CTNNA2: variants seen among roughly 807,000 people sequenced by gnomAD.
The protein encoded by CTNNA2 is catenin alpha-2.
In CTNNA2, 42 loss-of-function variants were observed where a neutral mutation model predicts 101.0. The observed-to-expected ratio is 0.42, with a 90% CI of 0.32 to 0.54. CTNNA2 has a LOEUF of 0.54. Among genes scored for constraint, CTNNA2 ranks in the 20% least tolerant of loss-of-function variants. The probability of loss-of-function intolerance (pLI) is 0.14; values close to 1 mark genes in which losing one functional copy is unlikely to be tolerated. For synonymous variants in CTNNA2, 450 were observed against 456.4 expected, an observed-to-expected ratio of 0.99 and a Z score of 0.18; for missense variants, 871 against 1,223.1, an observed-to-expected ratio of 0.71 and a Z score of 4.29.
intron 2 of CTNNA2, among the ~76,000 whole-genome samples, chr2:79,735,318 T>A (rs1670797646): frequency 6.6e-6 from 1 of 152,294 alleles, no homozygotes; most frequent in Middle Eastern, 3.4e-3. Context: ...AAAAGGCTGC[T>A]GTACTTTGTC....
At chr2:79,606,310 C>T (rs1384104825) in intron 1 of CTNNA2, among the ~76,000 whole-genome samples, 1 of 152,176 alleles carries the variant, frequency 6.6e-6, no homozygotes, top group East Asian at 1.9e-4. Flanking sequence ...CTCTGGCACC[C>T]AGGCTGGAGT....
At chr2:80,579,983 T>C (rs1168822645) in intron 13 of CTNNA2, among the ~76,000 whole-genome samples, 3 of 152,246 alleles carry the variant, frequency 2.0e-5, no homozygotes, top group African/African-American at 7.2e-5. Context: ...AGAGGCAGTC[T>C]GTGGAAGACC....
At chr2:79,984,635 T>G (rs925820911) in intron 7 of CTNNA2, among the ~76,000 whole-genome samples, 1 of 152,150 alleles carries the variant, frequency 6.6e-6, no homozygotes, top group African/African-American at 2.4e-5. Context: ...CCAAGTGAAG[T>G]GTGGCTATGA....
intron 8 of CTNNA2, among the ~76,000 whole-genome samples, chr2:80,395,027 A>G (rs957863102): frequency 6.6e-6 from 1 of 152,182 alleles, no homozygotes; most frequent in Non-Finnish European, 1.5e-5. Context: ...TCATGGACCA[A>G]TCATGGCAGG....
Position 79,221,255 on chromosome 2 carries a change from G to C in CTNNA2, c.-406+23179G>C, listed in dbSNP as rs189744823. 4.9e-3 allele frequency among the ~76,000 whole-genome samples: 745 copies of C among 152,214 alleles called. 2 individuals are homozygous for C. Among genetic ancestry groups the C allele is most frequent in the Non-Finnish European group, 7.2e-3 (490 of 68,018 alleles). On this transcript the variant is annotated intron_variant, in intron 2 of 21. Transcript: ENST00000466387. ...CAGCCTCAAGCTCCTGGGCTCTGGC[G>C]ATCTTCCTGCCTCAGCCAAGTAGCT...
At chr2:79,906,040 A>G (rs1685401905) in intron 6 of CTNNA2, among the ~76,000 whole-genome samples, 1 of 151,966 alleles carries the variant, frequency 6.6e-6, no homozygotes, top group South Asian at 2.1e-4. Context: ...AACCTGGCCA[A>G]TTCTCTAAAA....
chr2:79,706,092 C>T (rs1010330816), intron 2 of CTNNA2, among the ~76,000 whole-genome samples: 1 of 151,862 alleles, frequency 6.6e-6, no homozygotes, highest in Non-Finnish European at 1.5e-5. Flanking sequence ...GGGCCAGGTG[C>T]GGTGGCTTAT....
At chr2:79,663,203 C>G (rs1682162351) in intron 2 of CTNNA2, among the ~76,000 whole-genome samples, 1 of 152,144 alleles carries the variant, frequency 6.6e-6, no homozygotes, top group South Asian at 2.1e-4. Flanking sequence ...CACAAGTCCT[C>G]TCTCATCATG....
chr2:80,334,533 A>T (rs911115659), intron 7 of CTNNA2, among the ~76,000 whole-genome samples: 2 of 152,230 alleles, frequency 1.3e-5, no homozygotes, highest in African/African-American at 4.8e-5. Context: ...GCAACAGGCT[A>T]TAATCAGGAC....
intron 7 of CTNNA2, among the ~76,000 whole-genome samples, chr2:80,090,094 A>G (rs1019276279): frequency 9.2e-5 from 14 of 151,922 alleles, no homozygotes; most frequent in Admixed American, 6.6e-4. Context: ...TAAAGTATAG[A>G]GATGGTGGTG....
At chr2:79,562,372 G>A (rs1674834897) in intron 1 of CTNNA2, among the ~76,000 whole-genome samples, 1 of 151,876 alleles carries the variant, frequency 6.6e-6, no homozygotes, top group African/African-American at 2.4e-5. Context: ...AACATTTATG[G>A]TTGCCATTTT....
intron 2 of CTNNA2, among the ~76,000 whole-genome samples, chr2:79,734,908 C>G (rs1411146393): frequency 1.3e-5 from 2 of 152,046 alleles, no homozygotes; most frequent in African/African-American, 4.8e-5. Flanking sequence ...CATCAATAAC[C>G]TTAGAGAATA....
chr2:80,458,248 A>T (rs554216416), intron 9 of CTNNA2, among the ~76,000 whole-genome samples: 1 of 152,298 alleles, frequency 6.6e-6, no homozygotes, highest in East Asian at 1.9e-4. Flanking sequence ...GGGACTATAT[A>T]AAAAACTTGG....
intron 1 of CTNNA2, among the ~76,000 whole-genome samples, chr2:79,537,395 T>G (rs1221107373): frequency 6.6e-6 from 1 of 152,206 alleles, no homozygotes; most frequent in African/African-American, 2.4e-5. Context: ...CCCTTTCCCG[T>G]GCTCTTGCAT....
intron 7 of CTNNA2, among the ~76,000 whole-genome samples, chr2:80,305,830 A>C (rs1676883856): frequency 1.3e-5 from 2 of 152,134 alleles, no homozygotes; most frequent in African/African-American, 2.4e-5. Flanking sequence ...GAGTGTGGGC[A>C]AGCCTTCCTT....
chr2:80,051,020 C>G (rs1219553457), intron 7 of CTNNA2, among the ~76,000 whole-genome samples: 4 of 152,174 alleles, frequency 2.6e-5, no homozygotes, highest in East Asian at 1.9e-4. Flanking sequence ...GCCATGACAC[C>G]TAGCCGAGAC....
At chr2:80,397,516 T>C (rs923115963) in intron 8 of CTNNA2, among the ~76,000 whole-genome samples, 6 of 152,174 alleles carry the variant, frequency 3.9e-5, no homozygotes, top group African/African-American at 1.4e-4. Flanking sequence ...TCCCGTGCCA[T>C]TCTTGTGATA....
chr2:80,302,108 A>T lies in CTNNA2; in HGVS notation c.1057-91103A>T. ...AAGACACAATAAAGCTAAAATGTCA[A>T]GTCTCTGGGAGAGATCCCCTTAAAG... On this transcript the variant is annotated intron_variant, in intron 7 of 18. Transcript: ENST00000402739. The surrounding 1 kb of genome is among the most constrained non-coding windows in gnomAD (Gnocchi z 6.4). The T allele has an allele frequency of 9.0e-7, 1 of 1,108,420 alleles. No individual in the cohort carries two copies. Among genetic ancestry groups the T allele is most frequent in the Non-Finnish European group, 1.2e-6 (1 of 805,828 alleles). The allele number at this position is 1,108,420 out of a possible 1,614,324, so 68.7% of individuals were successfully genotyped here.
intron 3 of CTNNA2, among the ~76,000 whole-genome samples, chr2:79,352,107 A>G (rs958503280): frequency 1.1e-4 from 16 of 152,154 alleles, no homozygotes; most frequent in Admixed American, 7.2e-4. Flanking sequence ...ACTTTTTAAT[A>G]ATAGCCATTC....
Sources: allele counts gnomAD v4.1 joint callset (sites outside exome capture counted in the v4.1 genomes callset), GRCh38; gene constraint gnomAD v4.1.1; non-coding constraint Gnocchi (gnomAD v3.1); transcripts MANE v1.5; gene names NCBI Gene and HGNC (gene_info 2026-07-23, HGNC 2026-07-21).